The following CAMTA1 variants were observed in gnomAD, a reference collection of about 807,000 sequenced individuals.
CAMTA1 encodes calmodulin binding transcription activator 1.
Under a neutral mutation model 170.9 loss-of-function variants are expected in CAMTA1, and 27 were observed. The ratio of observed to expected loss-of-function variants is 0.16; its 90% CI spans 0.12 to 0.22. The LOEUF (loss-of-function observed/expected upper bound fraction) is 0.22, where lower values mean the gene tolerates loss of function less well. Ranked by LOEUF, CAMTA1 falls within the 10% of genes least tolerant of loss-of-function variation. The pLI is 1.00. For synonymous variants in CAMTA1, 833 were observed against 891.5 expected (o/e 0.93, Z 1.17); for missense variants, 1,619 against 2,217.2 (o/e 0.73, Z 5.42).
intron 5 of CAMTA1, 97 bp from the exon 6 acceptor site, chr1:7,467,733 G>A: frequency 8.9e-7 from 1 of 1,129,790 alleles, no homozygotes; most frequent in Non-Finnish European, 1.4e-6. Context: ...CTGCCAGGCG[G>A]CTGTGGCCCC....
intron 3 of CAMTA1, among the ~76,000 whole-genome samples, chr1:6,982,947 G>A (rs1694691407): frequency 6.6e-6 from 1 of 152,212 alleles, no homozygotes; most frequent in African/African-American, 2.4e-5. Flanking sequence ...GAAGGAGTGA[G>A]TAGGGTGGAG....
Position 7,354,109 on chromosome 1 carries a change from G to A in CAMTA1, c.438+104483G>A, listed in dbSNP as rs186907921. ...GATTTCATTCCTCTTTTAAGGCTGC[G>A]TAGTATTCCACGGTGCATATGTACC... On this transcript the variant is annotated intron_variant, in intron 5 of 22. Transcript: ENST00000303635. Among the ~76,000 whole-genome samples the A allele has an allele frequency of 2.6e-3, 388 of 151,586 alleles. 1 individual carries two copies. Among genetic ancestry groups the A allele is most frequent in the African/African-American group, 8.9e-3 (366 of 41,346 alleles).
intron 6 of CAMTA1, among the ~76,000 whole-genome samples, chr1:7,511,623 A>G (rs2094202896): frequency 2.0e-5 from 3 of 152,130 alleles, no homozygotes; most frequent in Admixed American, 6.6e-5. Flanking sequence ...GAAGGAAGCC[A>G]TCTGGAGTTC....
chr1:7,484,479 A>ACATAGAC (rs1373993327), intron 6 of CAMTA1, among the ~76,000 whole-genome samples: 2 of 152,168 alleles, frequency 1.3e-5, no homozygotes, highest in African/African-American at 4.8e-5. Context: ...ACAGGGTCGG[A>ACATAGAC]CATAGACCAG....
chr1:7,252,977 G>A (rs1399589868), intron 5 of CAMTA1, among the ~76,000 whole-genome samples: 1 of 152,138 alleles, frequency 6.6e-6, no homozygotes, highest in East Asian at 1.9e-4. Flanking sequence ...ACAGGATGGG[G>A]GCAGCTGCTT....
intron 3 of CAMTA1, among the ~76,000 whole-genome samples, chr1:6,891,156 C>A (rs977710974): frequency 6.6e-6 from 1 of 152,126 alleles, no homozygotes; most frequent in African/African-American, 2.4e-5. Flanking sequence ...ATTAGAAGGT[C>A]ATTAAAAAGG....
At chr1:6,972,935 C>T (rs576178086) in intron 3 of CAMTA1, among the ~76,000 whole-genome samples, 3 of 152,092 alleles carry the variant, frequency 2.0e-5, no homozygotes, top group Non-Finnish European at 4.4e-5. Context: ...CACGGTAACC[C>T]CCGCCTCCCA....
chr1:7,700,842 A>G (rs983516585), intron 11 of CAMTA1: 1 of 152,252 alleles, frequency 6.6e-6, no homozygotes, highest in Non-Finnish European at 1.5e-5. Context: ...ATATAATATT[A>G]ATGACTACCA....
At chr1:7,538,081 G>C (rs1007543557) in intron 6 of CAMTA1, among the ~76,000 whole-genome samples, 3 of 152,238 alleles carry the variant, frequency 2.0e-5, no homozygotes, top group Non-Finnish European at 4.4e-5. Flanking sequence ...CAAGCTTGGA[G>C]CCCTCATTTG....
intron 6 of CAMTA1, among the ~76,000 whole-genome samples, chr1:7,480,261 A>AGTGTG (rs879398823): frequency 6.6e-5 from 6 of 91,028 alleles, no homozygotes; most frequent in South Asian, 3.1e-4. Context: ...GCATGTGTGT[A>AGTGTG]TGTGTGTGAG....
intron 3 of CAMTA1, among the ~76,000 whole-genome samples, chr1:6,857,243 G>A (rs1662776901): frequency 6.6e-6 from 1 of 152,168 alleles, no homozygotes; most frequent in Admixed American, 6.5e-5. Flanking sequence ...TGGAGATGGG[G>A]TTTGGAAATA....
At chr1:7,647,035 C>G (rs2095811742) in intron 7 of CAMTA1, among the ~76,000 whole-genome samples, 1 of 152,192 alleles carries the variant, frequency 6.6e-6, no homozygotes, top group African/African-American at 2.4e-5. Flanking sequence ...ACGGGCCCCT[C>G]ATTGCTGAGC....
intron 4 of CAMTA1, among the ~76,000 whole-genome samples, chr1:7,095,743 G>T (rs1412690241): frequency 6.6e-6 from 1 of 152,226 alleles, no homozygotes; most frequent in Non-Finnish European, 1.5e-5. Flanking sequence ...GTTCTACACT[G>T]CCCTCTGAAT....
At chr1:7,537,319 G>A (rs750853721) in intron 6 of CAMTA1, among the ~76,000 whole-genome samples, 1 of 152,170 alleles carries the variant, frequency 6.6e-6, no homozygotes, top group Non-Finnish European at 1.5e-5. Context: ...CCAGGCAGTC[G>A]GCAAAGTGGC....
chr1:6,897,875 G>T (rs768936031), intron 3 of CAMTA1, among the ~76,000 whole-genome samples: 2 of 152,174 alleles, frequency 1.3e-5, no homozygotes, highest in African/African-American at 2.4e-5. Flanking sequence ...GAGCCAAAAT[G>T]ATTTTCTGCC....
At chr1:7,498,207 A>T (rs1228957544) in intron 6 of CAMTA1, among the ~76,000 whole-genome samples, 1 of 138,312 alleles carries the variant, frequency 7.2e-6, no homozygotes, top group African/African-American at 2.8e-5. Flanking sequence ...TGTGTGTGTG[A>T]CAGTGTGGAT....
intron 5 of CAMTA1, among the ~76,000 whole-genome samples, chr1:7,352,473 A>T (rs2084757563): frequency 4.6e-5 from 7 of 152,210 alleles, no homozygotes; most frequent in Admixed American, 4.6e-4. Flanking sequence ...TAACGGAGAC[A>T]CAGTGGCTGA....
chr1:7,101,944 A>G (rs2148252253), intron 4 of CAMTA1, among the ~76,000 whole-genome samples: 1 of 152,246 alleles, frequency 6.6e-6, no homozygotes, highest in Admixed American at 6.5e-5. Flanking sequence ...GCACAAGCAA[A>G]TATTCAACAC....
chr1:7,165,941 A>G (rs1648314571), intron 4 of CAMTA1, among the ~76,000 whole-genome samples: 1 of 152,204 alleles, frequency 6.6e-6, no homozygotes, highest in African/African-American at 2.4e-5. Context: ...TGTATCTTAC[A>G]TATGTATATC....
Sources: allele counts gnomAD v4.1 joint callset (sites outside exome capture counted in the v4.1 genomes callset), GRCh38; gene constraint gnomAD v4.1.1; transcripts MANE v1.5; gene names NCBI Gene and HGNC (gene_info 2026-07-23, HGNC 2026-07-21).